Variants in ANKHD1 observed in about 807,000 individuals in gnomAD.
ANKHD1 encodes the protein ankyrin repeat and KH domain-containing protein 1.
A neutral mutation model predicts 230.5 loss-of-function variants in ANKHD1; 31 were observed. The ratio of observed to expected loss-of-function variants is 0.13; its 90% CI spans 0.10 to 0.18. The LOEUF (loss-of-function observed/expected upper bound fraction) is 0.18, where lower values mean the gene tolerates loss of function less well. Among genes scored for constraint, ANKHD1 ranks in the 10% least tolerant of loss-of-function variants. The pLI, the probability that ANKHD1 is intolerant of heterozygous loss-of-function variation, is 1.00. For synonymous variants in ANKHD1, 1,074 were observed against 1,117.6 expected (o/e 0.96, Z 0.78); for missense variants, 2,256 against 3,071.3 (o/e 0.73, Z 6.27).
intron 1 of ANKHD1, among the ~76,000 whole-genome samples, chr5:140,426,685 C>A (rs895911920): frequency 6.6e-6 from 1 of 152,134 alleles, no homozygotes; most frequent in East Asian, 1.9e-4. Flanking sequence ...GTTTGTGTCC[C>A]TGGGTACTTG....
Position 140,537,608 on chromosome 5 carries a change from C to A in ANKHD1, c.7228+19C>A. On this transcript the variant is annotated intron_variant, in intron 31 of 33. Transcript: ENST00000360839. The stretch of plus-strand genomic sequence containing the variant: ...GTGTCAGGTACAATTGCCTTGCTCT[C>A]TCTCTGGAGGGATATCTTAAGTAAG... 6.5e-7 allele frequency: 1 copy of A among 1,527,908 alleles called. No homozygotes were observed. The highest frequency in any genetic ancestry group is 2.1e-5 in the Admixed American group (1 of 46,650). 94.6% of individuals were successfully genotyped at this position (1,527,908 alleles called of 1,614,324 possible). A position where few individuals can be genotyped will look rare whatever the true frequency, so the allele number is the denominator to read the frequency against.
intron 15 of ANKHD1, 63 bp from the exon 16 acceptor site, chr5:140,504,758 T>C: frequency 1.9e-6 from 3 of 1,552,180 alleles, no homozygotes; most frequent in Non-Finnish European, 2.6e-6. Flanking sequence ...TTTTGTGTTT[T>C]TCTATGTACA....
chr5:140,533,088 C>T (rs1293615660), intron 29 of ANKHD1, among the ~76,000 whole-genome samples: 3 of 145,264 alleles, frequency 2.1e-5, no homozygotes, highest in Non-Finnish European at 4.4e-5. Flanking sequence ...TAGAGCAAGA[C>T]TCTGTCTCCA....
chr5:140,453,463 G>C (rs1774911167), intron 7 of ANKHD1, among the ~76,000 whole-genome samples: 1 of 152,196 alleles, frequency 6.6e-6, no homozygotes, highest in Non-Finnish European at 1.5e-5. Context: ...CAGCCAGTGA[G>C]AGAGGTCGGG....
At position 140,486,955 on chromosome 5, in the gene ANKHD1, T is replaced by C. The variant is rs372491823; in HGVS notation, c.2143-3T>C. ...ATGATTTTTTTCTGAGTTGACTTTT[T>C]AGGTGCCACGTGTGCCAACGCATAC... is the stretch of plus-strand genomic sequence containing the variant. On this transcript the variant is annotated splice_region_variant and splice_polypyrimidine_tract_variant and intron_variant, in intron 13 of 33. Coordinates refer to ENST00000360839, the MANE Select transcript of ANKHD1 (RefSeq NM_017747.3). The C allele has an allele frequency of 1.9e-5, 31 of 1,608,032 alleles. No homozygotes were observed. The African/African-American group carries it at 4.0e-4, about 21-fold the overall frequency.
chr5:140,487,373 A>G (rs1751557547), intron 14 of ANKHD1, among the ~76,000 whole-genome samples: 1 of 152,190 alleles, frequency 6.6e-6, no homozygotes, highest in Non-Finnish European at 1.5e-5. Flanking sequence ...TTTTCATTTG[A>G]TAATTCTTTA....
At chr5:140,443,992 T>C (rs1244557216) in intron 5 of ANKHD1, among the ~76,000 whole-genome samples, 1 of 152,026 alleles carries the variant, frequency 6.6e-6, no homozygotes, top group African/African-American at 2.4e-5. Flanking sequence ...GAAGACAGTT[T>C]GAAAACCACC....
At chr5:140,476,177 TA>T (rs1750957671) in intron 10 of ANKHD1, among the ~76,000 whole-genome samples, 1 of 151,390 alleles carries the variant, frequency 6.6e-6, no homozygotes, top group Admixed American at 6.6e-5. Context: ...AATAATACAA[TA>T]AAATATATAA....
intron 10 of ANKHD1, chr5:140,472,561 T>C (rs1776566121): frequency 1.3e-6 from 1 of 770,728 alleles, no homozygotes; most frequent in Non-Finnish European, 1.7e-6. Context: ...CAGGTAGTTC[T>C]TTTACATTCT....
At chr5:140,536,929 G>A (rs1272420481) in intron 30 of ANKHD1, 1 of 152,428 alleles carries the variant, frequency 6.6e-6, no homozygotes, top group Non-Finnish European at 1.5e-5. Flanking sequence ...GCTGAGGCAG[G>A]AGAATCGCTT....
At chr5:140,449,825 A>G (rs1394876855) in intron 7 of ANKHD1, among the ~76,000 whole-genome samples, 2 of 152,194 alleles carry the variant, frequency 1.3e-5, no homozygotes, top group Non-Finnish European at 2.9e-5. Flanking sequence ...TGGAGATAGT[A>G]GACATAGTTC....
chr5:140,516,314 G>C (rs1395508711), intron 24 of ANKHD1, among the ~76,000 whole-genome samples: 2 of 152,160 alleles, frequency 1.3e-5, no homozygotes, highest in East Asian at 1.9e-4. Flanking sequence ...CCAAATCTAC[G>C]TCTGATTGGT....
intron 24 of ANKHD1, among the ~76,000 whole-genome samples, chr5:140,516,928 C>T (rs1240982364): frequency 6.6e-6 from 1 of 151,898 alleles, no homozygotes; most frequent in Non-Finnish European, 1.5e-5. Flanking sequence ...GGATCAAATT[C>T]ACACATAACA....
chr5:140,524,018 T>A, intron 24 of ANKHD1, 48 bp from the exon 25 acceptor site: 1 of 1,521,692 alleles, frequency 6.6e-7, no homozygotes, highest in Non-Finnish European at 8.7e-7. Flanking sequence ...ATTCTTTATT[T>A]TACATTACTG....
At chr5:140,405,852 C>A (rs1318164153) in intron 1 of ANKHD1, among the ~76,000 whole-genome samples, 1 of 151,978 alleles carries the variant, frequency 6.6e-6, no homozygotes, top group Non-Finnish European at 1.5e-5. Context: ...AGGCTGGTCT[C>A]AAACTTCTGG....
chr5:140,530,863 G>T (rs539565586), intron 29 of ANKHD1, among the ~76,000 whole-genome samples: 1 of 152,318 alleles, frequency 6.6e-6, no homozygotes, highest in East Asian at 1.9e-4. Flanking sequence ...ACTGACCTAT[G>T]TTGTTTAAAA....
intron 5 of ANKHD1, among the ~76,000 whole-genome samples, chr5:140,444,271 A>T (rs1774103123): frequency 6.6e-6 from 1 of 152,036 alleles, no homozygotes; most frequent in African/African-American, 2.4e-5. Context: ...CTTAACTCAT[A>T]CTTCATTGGG....
At chr5:140,428,872 G>C (rs1772779156) in intron 1 of ANKHD1, among the ~76,000 whole-genome samples, 1 of 151,478 alleles carries the variant, frequency 6.6e-6, no homozygotes, top group African/African-American at 2.4e-5. Flanking sequence ...AACCTCTGCT[G>C]CCTGGGTTCA....
chr5:140,492,124 T>A (rs1751835472), intron 14 of ANKHD1, among the ~76,000 whole-genome samples: 1 of 152,210 alleles, frequency 6.6e-6, no homozygotes, highest in Admixed American at 6.5e-5. Context: ...ATCAAATCAT[T>A]AAAATTATAT....
Sources: gnomAD v4.1 joint callset for allele counts (sites outside exome capture counted in the v4.1 genomes callset) on GRCh38, gnomAD v4.1.1 for gene constraint, MANE v1.5 for transcripts, NCBI Gene and HGNC (gene_info 2026-07-23, HGNC 2026-07-21) for gene names.